HS3ST5: variants seen among roughly 807,000 people sequenced by gnomAD.
HS3ST5 encodes heparan sulfate-glucosamine 3-sulfotransferase 5.
A neutral mutation model predicts 25.4 loss-of-function variants in HS3ST5; 10 were observed. That is an observed-to-expected ratio of 0.39 (90% CI 0.24 to 0.67). The LOEUF is 0.67. Among genes scored for constraint, HS3ST5 ranks in the 30% least tolerant of loss-of-function variants. The probability of loss-of-function intolerance (pLI) is 0.44; values close to 1 mark genes in which losing one functional copy is unlikely to be tolerated. For synonymous variants in HS3ST5, 170 were observed against 162.4 expected, an observed-to-expected ratio of 1.05 and a Z score of -0.36; for missense variants, 324 against 420.7, an observed-to-expected ratio of 0.77 and a Z score of 2.01.
intron 2 of HS3ST5, among the ~76,000 whole-genome samples, chr6:114,181,201 G>T (rs2115023805): frequency 6.6e-6 from 1 of 152,318 alleles, no homozygotes; most frequent in South Asian, 2.1e-4. Flanking sequence ...GGAGAACACA[G>T]ACTCAAGGTG....
intron 3 of HS3ST5, among the ~76,000 whole-genome samples, chr6:114,110,305 A>G (rs1370417170): frequency 6.6e-6 from 1 of 151,934 alleles, no homozygotes; most frequent in East Asian, 1.9e-4. Flanking sequence ...CCATCACAAA[A>G]TGAATTTCAT....
chr6:114,103,857 A>ATATTTTTTTTTTTTT (rs746629655), intron 3 of HS3ST5, among the ~76,000 whole-genome samples: 1 of 107,148 alleles, frequency 9.3e-6, no homozygotes, highest in African/African-American at 3.7e-5. Context: ...CACCTGGCTA[A>ATATTTTTTTTTTTTT]TTTTTTTTTT....
chr6:114,329,486 T>A (rs1055551826), intron 1 of HS3ST5, among the ~76,000 whole-genome samples: 5 of 152,152 alleles, frequency 3.3e-5, no homozygotes, highest in Middle Eastern at 3.2e-3. Flanking sequence ...TGGCACTGAT[T>A]TCTGTGTCCA....
intron 3 of HS3ST5, among the ~76,000 whole-genome samples, chr6:114,063,212 TATGGATAGA>T (rs1773237949): frequency 6.6e-6 from 1 of 152,086 alleles, no homozygotes; most frequent in Non-Finnish European, 1.5e-5. Flanking sequence ...ATTCAAAGAA[TATGGATAGA>T]ATGAGCAACT....
At chr6:114,132,591 G>C (rs1753259259) in intron 3 of HS3ST5, among the ~76,000 whole-genome samples, 1 of 152,206 alleles carries the variant, frequency 6.6e-6, no homozygotes, top group South Asian at 2.1e-4. Flanking sequence ...AAACAGAACA[G>C]CGTTATGGCC....
chr6:114,150,907 G>A (rs1292677988), intron 3 of HS3ST5, among the ~76,000 whole-genome samples: 1 of 152,150 alleles, frequency 6.6e-6, no homozygotes, highest in East Asian at 1.9e-4. Context: ...TATTTTGCTT[G>A]TTCTTGAAAG....
chr6:114,318,117 T>G (rs1582812458), intron 1 of HS3ST5, among the ~76,000 whole-genome samples: 1 of 152,124 alleles, frequency 6.6e-6, no homozygotes, highest in East Asian at 1.9e-4. Context: ...CTTATTAATC[T>G]CCACCATTTA....
intron 3 of HS3ST5, among the ~76,000 whole-genome samples, chr6:114,102,074 A>T (rs1775764032): frequency 6.6e-6 from 1 of 152,176 alleles, no homozygotes; most frequent in Admixed American, 6.5e-5. Context: ...GAGAAGGGTG[A>T]GGATCTAAAA....
At chr6:114,329,802 A>G (rs1776317259) in intron 1 of HS3ST5, among the ~76,000 whole-genome samples, 1 of 152,158 alleles carries the variant, frequency 6.6e-6, no homozygotes, top group Non-Finnish European at 1.5e-5. Context: ...TGTGCTAGAT[A>G]ATTAATTATC....
chr6:114,336,810 C>T (rs985357364), intron 1 of HS3ST5, among the ~76,000 whole-genome samples: 2 of 151,972 alleles, frequency 1.3e-5, no homozygotes, highest in Non-Finnish European at 2.9e-5. Context: ...TTTTCATTGA[C>T]TTGAGTTAGT....
chr6:114,300,200 A>T (rs1775013123), intron 1 of HS3ST5, among the ~76,000 whole-genome samples: 1 of 152,170 alleles, frequency 6.6e-6, no homozygotes, highest in African/African-American at 2.4e-5. Flanking sequence ...ATTTCAAAGG[A>T]CATCATCAAG....
At position 114,263,321 on chromosome 6, in the gene HS3ST5, C is replaced by T. The variant is rs184421298; in HGVS notation, c.-338-34543G>A. Reference sequence around the variant, plus strand: ...AAATTATAGCCTCCATCTTAATATTCAAAAATGGAAAAAAACTTATAAGAA... The same window carrying T: ...AAATTATAGCCTCCATCTTAATATTTAAAAATGGAAAAAAACTTATAAGAA... On this transcript the variant is annotated intron_variant, in intron 1 of 4. Transcript: ENST00000312719. Among the ~76,000 whole-genome samples, 26 of 151,768 alleles carry T rather than the reference C, an allele frequency of 1.7e-4. No individual in the cohort carries two copies. In the East Asian group the frequency reaches 5.0e-3, roughly 29 times the overall value.
intron 3 of HS3ST5, among the ~76,000 whole-genome samples, chr6:114,073,179 A>G (rs1234962082): frequency 3.9e-5 from 6 of 152,234 alleles, no homozygotes; most frequent in Non-Finnish European, 7.3e-5. Flanking sequence ...ACCTAAAACC[A>G]TAAAAACCCT....
At chr6:114,176,783 G>A (rs1779744349) in intron 2 of HS3ST5, among the ~76,000 whole-genome samples, 1 of 152,154 alleles carries the variant, frequency 6.6e-6, no homozygotes, top group African/African-American at 2.4e-5. Context: ...CATAGAGAAA[G>A]GCTCTGGGGT....
intron 2 of HS3ST5, among the ~76,000 whole-genome samples, chr6:114,211,226 T>C (rs535057921): frequency 6.7e-4 from 102 of 152,238 alleles, no homozygotes; most frequent in Non-Finnish European, 1.2e-3. Flanking sequence ...ATCTTTCATA[T>C]ATGTTTTTCT....
intron 1 of HS3ST5, among the ~76,000 whole-genome samples, chr6:114,307,535 G>T (rs1028462013): frequency 4.0e-5 from 6 of 151,732 alleles, no homozygotes; most frequent in Admixed American, 6.6e-5. Flanking sequence ...TCTAAAATAA[G>T]TTTCTGGAGA....
intron 3 of HS3ST5, among the ~76,000 whole-genome samples, chr6:114,138,948 T>C (rs577873204): frequency 1.3e-5 from 2 of 152,338 alleles, no homozygotes; most frequent in Admixed American, 1.3e-4. Context: ...CCCAGATCTC[T>C]TTTTGTAAAG....
At chr6:114,080,163 C>T (rs1774372602) in intron 3 of HS3ST5, among the ~76,000 whole-genome samples, 1 of 152,174 alleles carries the variant, frequency 6.6e-6, no homozygotes, top group Admixed American at 6.5e-5. Context: ...TAATAGAAGG[C>T]ATGAAAGCAA....
chr6:114,141,854 TAGTTTGTGTGTG>T (rs1164273757), intron 3 of HS3ST5, among the ~76,000 whole-genome samples: 11 of 120,730 alleles, frequency 9.1e-5, no homozygotes, highest in Admixed American at 6.0e-4. Flanking sequence ...TCTAAGATGA[TAGTTTGTGTGTG>T]TGTGTGTGTG....
Sources: gnomAD v4.1 joint callset for allele counts (sites outside exome capture counted in the v4.1 genomes callset) on GRCh38, gnomAD v4.1.1 for gene constraint, MANE v1.5 for transcripts, NCBI Gene and HGNC (gene_info 2026-07-23, HGNC 2026-07-21) for gene names.